The following NDUFV3 variants were observed in gnomAD, a reference collection of about 807,000 sequenced individuals.
NDUFV3 encodes NADH dehydrogenase [ubiquinone] flavoprotein 3, mitochondrial.
Under a neutral mutation model 37.5 loss-of-function variants are expected in NDUFV3, and 44 were observed. The ratio of observed to expected loss-of-function variants is 1.17; its 90% confidence interval spans 0.92 to 1.51. The LOEUF (loss-of-function observed/expected upper bound fraction) is 1.51, where lower values mean the gene tolerates loss of function less well. Among genes scored for constraint, NDUFV3 ranks in the 40% most tolerant of loss-of-function variants. The pLI is 0.00. For missense variants in NDUFV3, 580 were observed against 580.4 expected (o/e 1.00, Z 0.01); for synonymous variants, 235 against 239.3 (o/e 0.98, Z 0.17).
rs1233616803 is a variant in NDUFV3, at chr21:42,894,393, ATTATATAT to A, written c.48+1020_48+1027del. Among the ~76,000 whole-genome samples the A allele has an allele frequency of 4.9e-5, 2 of 41,214 alleles. 1 individual carries two copies. The highest frequency in any genetic ancestry group is 7.7e-5 in the Non-Finnish European group (2 of 25,960). 27.0% of individuals were successfully genotyped at this position (41,214 alleles called of 152,430 possible). On this transcript the variant is annotated intron_variant, in intron 1 of 3. Transcript: ENST00000354250. ...ATATTTATATAATATGTAAATATAT[ATTATATAT>A]TTATATAATATATAATATATTATAT... is the stretch of plus-strand genomic sequence containing the variant.
chr21:42,908,288 A>G (rs1215448197), intron 3 of NDUFV3, among the ~76,000 whole-genome samples: 8 of 151,918 alleles, frequency 5.3e-5, no homozygotes, highest in Admixed American at 5.2e-4. Flanking sequence ...AGCCTAGACA[A>G]CAGAGTGAGA....
chr21:42,903,579 G>A lies in NDUFV3; in HGVS notation c.567G>A (p.Glu189=). The part of the protein sequence containing the change: ...SKGRGGLRKP[E]ASHSFENRAP... ...GCAGAGGGGGGCTTCGAAAACCAGA[G>A]GCCTCTCATTCCTTTGAAAACAGAG... Residue 189 remains glutamate (E), a synonymous_variant, in exon 3 of 4, where the codon GAG becomes GAA. Coordinates refer to ENST00000354250, the MANE Select transcript of NDUFV3 (RefSeq NM_021075.4). 6.2e-7 allele frequency: 1 copy of A among 1,613,854 alleles called. No homozygotes were observed.
In NDUFV3 at chr21:42,903,783, G is replaced by A; in HGVS notation, c.771G>A (p.Glu257=). The change falls in exon 3 of 4, where the codon GAG becomes GAA. Residue 257 remains glutamate, a synonymous_variant. Transcript: ENST00000354250. ...TGCCCAGATCTCAAGTAGATGAAGA[G>A]TTTTTGAAGCAAAGTTTAAAGGAAA... is the stretch of plus-strand genomic sequence containing the variant. ...TTMPRSQVDE[E]FLKQSLKEKQ... 1 of 1,614,158 alleles carries A rather than the reference G, an allele frequency of 6.2e-7. No individual in the cohort carries two copies. The highest frequency in any genetic ancestry group is 8.5e-7 in the Non-Finnish European group (1 of 1,180,038).
At position 42,908,849 on chromosome 21, in the gene NDUFV3, G is replaced by A. The variant is rs190708954; in HGVS notation, c.1265-15G>A. On this transcript the variant is annotated splice_polypyrimidine_tract_variant and intron_variant, in intron 3 of 3. Transcript: ENST00000354250. ...TCCTTGTGTTGGTCTCATGGGCATC[G>A]TGTTTCCTCCGCAGAGCCAGCCCCA... 1.2e-5 allele frequency: 20 copies of A among 1,614,120 alleles called. No individual in the cohort carries two copies. The highest frequency in any genetic ancestry group is 5.0e-5 in the Admixed American group (3 of 60,014).
chr21:42,900,677 G>A (rs990699148), intron 2 of NDUFV3, among the ~76,000 whole-genome samples: 1 of 152,204 alleles, frequency 6.6e-6, no homozygotes, highest in Non-Finnish European at 1.5e-5. Context: ...GCCAGAAGTG[G>A]CTTTGGAAGC....
chr21:42,897,128 G>A, intron 2 of NDUFV3, 81 bp downstream of exon 2: 1 of 1,493,698 alleles, frequency 6.7e-7, no homozygotes, highest in Non-Finnish European at 9.2e-7. Flanking sequence ...ACGACAGTGA[G>A]TTTTACTAGC....
rs1476514312 is a variant in NDUFV3 at position 42,906,763 on chromosome 21, T to G, written c.1265-2101T>G. 2.6e-5 allele frequency: 12 copies of G among 457,832 alleles called. 1 individual carries two copies. The highest frequency in any genetic ancestry group is 1.9e-4 in the South Asian group (12 of 62,818). 28.4% of individuals were successfully genotyped at this position (457,832 alleles called of 1,614,324 possible). On this transcript the variant is annotated intron_variant, in intron 3 of 3. Transcript: ENST00000354250. ...GCCTTCCAGGTAGAGTGGTTTTAGA[T>G]CAGAGTTTTGTAACCCACGTCTTGG...
chr21:42,907,159 T>C (rs2058745528), intron 3 of NDUFV3, among the ~76,000 whole-genome samples: 1 of 152,218 alleles, frequency 6.6e-6, no homozygotes, highest in Non-Finnish European at 1.5e-5. Flanking sequence ...AGACCAGTAC[T>C]TCTTTTGCCT....
Position 42,909,742 on chromosome 21 carries a change from C to G in NDUFV3, c.*721C>G, listed in dbSNP as rs527282651. On this transcript the variant is annotated 3_prime_UTR_variant, in exon 4 of 4. Coordinates refer to ENST00000354250, the MANE Select transcript of NDUFV3 (RefSeq NM_021075.4). ...TTTCCCAGGCTGGAGTCCAGCGGCA[C>G]AATCTAAACTCACTGCAACCTCCGC... 1 of 152,616 alleles carries G rather than the reference C, an allele frequency of 6.6e-6. No individual in the cohort carries two copies. The highest frequency in any genetic ancestry group is 1.5e-5 in the Non-Finnish European group (1 of 68,516). The allele number at this position is 152,616 out of a possible 1,614,324, so 9.5% of individuals were successfully genotyped here. A position where few individuals can be genotyped will look rare whatever the true frequency, so the allele number is the denominator to read the frequency against.
chr21:42,899,450 T>C lies in NDUFV3; in HGVS notation c.169+2403T>C, dbSNP rs527273811. On this transcript the variant is annotated intron_variant, in intron 2 of 3. Coordinates refer to ENST00000354250, the MANE Select transcript of NDUFV3 (RefSeq NM_021075.4). ...CCACGCCTGGCTAATTTTTTGTTTTTTTGTTTTGTTTTTGCGATAAAGTCT... is the reference window on the plus strand; with the variant it reads ...CCACGCCTGGCTAATTTTTTGTTTTCTTGTTTTGTTTTTGCGATAAAGTCT... Among the ~76,000 whole-genome samples, 11 of 102,676 alleles carry C rather than the reference T, an allele frequency of 1.1e-4. No homozygotes were observed. The South Asian group carries it at 2.8e-3, about 26-fold the overall frequency. 67.4% of individuals were successfully genotyped at this position (102,676 alleles called of 152,430 possible).
intron 3 of NDUFV3, among the ~76,000 whole-genome samples, chr21:42,905,587 C>T (rs1264498189): frequency 6.6e-6 from 1 of 152,156 alleles, no homozygotes; most frequent in Non-Finnish European, 1.5e-5. Flanking sequence ...GCAATCTTGG[C>T]TCACTGTAAC....
intron 2 of NDUFV3, among the ~76,000 whole-genome samples, chr21:42,901,663 T>C (rs150700425): frequency 1.9e-3 from 290 of 151,840 alleles, no homozygotes; most frequent in Non-Finnish European, 3.6e-3. Flanking sequence ...TGCCAGGCAC[T>C]GTTCTAAGCA....
At chr21:42,896,680 G>A (rs569778981) in intron 1 of NDUFV3, among the ~76,000 whole-genome samples, 4 of 152,014 alleles carry the variant, frequency 2.6e-5, no homozygotes, top group East Asian at 3.9e-4. Flanking sequence ...GCCAGATCTC[G>A]TCTCTATAAA....
At chr21:42,898,457 C>A (rs1034434066) in intron 2 of NDUFV3, among the ~76,000 whole-genome samples, 3 of 151,776 alleles carry the variant, frequency 2.0e-5, no homozygotes, top group Non-Finnish European at 2.9e-5. Flanking sequence ...ATATCCCTGG[C>A]ATGTTTTGTT....
intron 1 of NDUFV3, among the ~76,000 whole-genome samples, chr21:42,895,281 G>A (rs535570995): frequency 6.6e-5 from 10 of 152,134 alleles, no homozygotes; most frequent in South Asian, 2.1e-4. Context: ...CCAGGAACTC[G>A]AGACCAACCT....
At position 42,897,732 on chromosome 21, in the gene NDUFV3, A is replaced by G. The variant is rs748342183; in HGVS notation, c.169+685A>G. 3.3e-5 allele frequency among the ~76,000 whole-genome samples: 5 copies of G among 151,494 alleles called. No individual in the cohort carries two copies. The South Asian group carries it at 8.3e-4, about 25-fold the overall frequency. On this transcript the variant is annotated intron_variant, in intron 2 of 3. Transcript: ENST00000354250. Reference sequence around the variant, plus strand: ...TGCTCTGTTGCCCCTGCTGGAGTGCAGTGGCGCAATCTCGGCTCACTACAA... The same window carrying G: ...TGCTCTGTTGCCCCTGCTGGAGTGCGGTGGCGCAATCTCGGCTCACTACAA...
chr21:42,903,419 G>A lies in NDUFV3; in HGVS notation c.407G>A (p.Gly136Asp), dbSNP rs2058726450. 6.2e-7 allele frequency: 1 copy of A among 1,614,088 alleles called. No individual in the cohort carries two copies. Among genetic ancestry groups the A allele is most frequent in the Non-Finnish European group, 8.5e-7 (1 of 1,180,050 alleles). ...GTTCTGTCTCCATTCAGAAAACAGG[G>A]CTCTGATTCAGAAGCTCGTCAGGTG... Reference protein sequence around the residue: ...QKVLSPFRKQGSDSEARQVGR... With the variant: ...QKVLSPFRKQDSDSEARQVGR... Residue 136 changes from glycine to aspartate, a missense_variant, in exon 3 of 4, where the codon GGC becomes GAC. By Grantham distance (94) the Gly-to-Asp change is moderately conservative. Coordinates refer to ENST00000354250, the MANE Select transcript of NDUFV3 (RefSeq NM_021075.4).
chr21:42,909,334 G>C lies in NDUFV3; in HGVS notation c.*313G>C, dbSNP rs2058758675. 2.8e-6 allele frequency: 1 copy of C among 352,594 alleles called. No homozygotes were observed. The highest frequency in any genetic ancestry group is 2.2e-5 in the South Asian group (1 of 44,912). 21.8% of individuals were successfully genotyped at this position (352,594 alleles called of 1,614,324 possible). On this transcript the variant is annotated 3_prime_UTR_variant, in exon 4 of 4. Coordinates refer to ENST00000354250, the MANE Select transcript of NDUFV3 (RefSeq NM_021075.4). ...CTTTTGTATTTTTAGTAGAGACAGGGTTTCACCATGTTGGCCAGGCTGGTC... is the reference window on the plus strand; with the variant it reads ...CTTTTGTATTTTTAGTAGAGACAGGCTTTCACCATGTTGGCCAGGCTGGTC...
At chr21:42,900,014 A>G (rs915118787) in intron 2 of NDUFV3, among the ~76,000 whole-genome samples, 1 of 152,196 alleles carries the variant, frequency 6.6e-6, no homozygotes, top group African/African-American at 2.4e-5. Flanking sequence ...CCTGAGCAAC[A>G]TAGTGAAAAC....
Sources: allele counts gnomAD v4.1 joint callset (sites outside exome capture counted in the v4.1 genomes callset), GRCh38; gene constraint gnomAD v4.1.1; transcripts MANE v1.5; gene names NCBI Gene and HGNC (gene_info 2026-07-23, HGNC 2026-07-21).